Variants in DIAPH3 observed in about 807,000 individuals in gnomAD.
DIAPH3 encodes the protein protein diaphanous homolog 3.
DIAPH3 carries 117 observed loss-of-function variants against 144.3 expected under a neutral mutation model. The observed-to-expected ratio is 0.81, with a 90% CI of 0.70 to 0.95. The LOEUF (loss-of-function observed/expected upper bound fraction) is 0.95, where lower values mean the gene tolerates loss of function less well. Among genes scored for constraint, DIAPH3 ranks in the 40% least tolerant of loss-of-function variants. The pLI is 0.00. For synonymous variants in DIAPH3, 519 were observed against 488.9 expected, an observed-to-expected ratio of 1.06 and a Z score of -0.81; for missense variants, 1,421 against 1,412.7, an observed-to-expected ratio of 1.01 and a Z score of -0.09.
At chr13:59,939,205 T>G (rs1387188145) in intron 17 of DIAPH3, among the ~76,000 whole-genome samples, 2 of 152,178 alleles carry the variant, frequency 1.3e-5, no homozygotes, top group Admixed American at 6.6e-5. Flanking sequence ...TGGTCCTTAT[T>G]CACTGCACAC....
At chr13:59,931,456 C>T (rs2048012131) in intron 17 of DIAPH3, among the ~76,000 whole-genome samples, 1 of 152,166 alleles carries the variant, frequency 6.6e-6, no homozygotes, top group South Asian at 2.1e-4. Flanking sequence ...TGTTCTCTAT[C>T]ACCATTGTTC....
intron 17 of DIAPH3, among the ~76,000 whole-genome samples, chr13:59,953,633 A>G (rs1216915829): frequency 6.6e-6 from 1 of 152,220 alleles, no homozygotes; most frequent in Non-Finnish European, 1.5e-5. Flanking sequence ...AGCCAAATTT[A>G]GAGAAAAAGG....
intron 22 of DIAPH3, among the ~76,000 whole-genome samples, chr13:59,856,388 C>A (rs2043254971): frequency 6.6e-6 from 1 of 152,142 alleles, no homozygotes; most frequent in African/African-American, 2.4e-5. Flanking sequence ...GCTTAAACAA[C>A]AGAAATTCAT....
intron 25 of DIAPH3, among the ~76,000 whole-genome samples, chr13:59,809,755 G>C (rs746202599): frequency 6.6e-6 from 1 of 151,992 alleles, no homozygotes; most frequent in Non-Finnish European, 1.5e-5. Flanking sequence ...TACTCGTTTC[G>C]CTTTAGTAAG....
chr13:59,748,068 T>C (rs1433525517), intron 27 of DIAPH3, among the ~76,000 whole-genome samples: 1 of 152,208 alleles, frequency 6.6e-6, no homozygotes, highest in East Asian at 1.9e-4. Context: ...ACTGGAAGAC[T>C]ATGGAACAGA....
chr13:59,951,018 T>C lies in DIAPH3; in HGVS notation c.2074+18926A>G, dbSNP rs1051441779. 2.6e-5 allele frequency among the ~76,000 whole-genome samples: 4 copies of C among 152,282 alleles called. No homozygotes were observed. The Middle Eastern group carries it at 0.01, about 388-fold the overall frequency. ...TAATTATTCTATAATGAATAAATTATGGCAGCTTAGGTAAACAAGCTTTAT... is the reference window on the plus strand; with the variant it reads ...TAATTATTCTATAATGAATAAATTACGGCAGCTTAGGTAAACAAGCTTTAT... On this transcript the variant is annotated intron_variant, in intron 17 of 27. Transcript: ENST00000400324.
At chr13:59,899,049 A>C (rs148133926) in intron 20 of DIAPH3, among the ~76,000 whole-genome samples, 287 of 152,264 alleles carry the variant, frequency 1.9e-3, no homozygotes, top group African/African-American at 6.3e-3. Context: ...CCTGCCCTCG[A>C]ACATCAGACT....
intron 27 of DIAPH3, among the ~76,000 whole-genome samples, chr13:59,728,713 T>C (rs1000219977): frequency 2.4e-4 from 37 of 152,026 alleles, no homozygotes; most frequent in Admixed American, 8.5e-4. Context: ...TGAAGTAATA[T>C]AAAAACAGGT....
chr13:60,089,222 A>G (rs1209406511), intron 4 of DIAPH3, among the ~76,000 whole-genome samples: 1 of 152,186 alleles, frequency 6.6e-6, no homozygotes, highest in African/African-American at 2.4e-5. Context: ...GAGGAAAAAG[A>G]AAACTAAGTG....
At position 59,692,137 on chromosome 13, in the gene DIAPH3, CTTTTTT is replaced by C. The variant is rs56205887; in HGVS notation, c.3320-25297_3320-25292del. ...AGATTACTCATAGCTTTGAGAAATT[CTTTTTT>C]TTTTTTTTTTTTTTTTTTTTTAGAA... On this transcript the variant is annotated intron_variant, in intron 27 of 27. Transcript: ENST00000400324. Among the ~76,000 whole-genome samples, 172 of 58,200 alleles carry C rather than the reference CTTTTTT, an allele frequency of 3.0e-3. 1 individual carries two copies. Among genetic ancestry groups the C allele is most frequent in the African/African-American group, 8.5e-3 (138 of 16,184 alleles). 38.2% of individuals were successfully genotyped at this position (58,200 alleles called of 152,430 possible).
At chr13:59,840,339 A>G (rs1394986388) in intron 22 of DIAPH3, among the ~76,000 whole-genome samples, 2 of 152,124 alleles carry the variant, frequency 1.3e-5, no homozygotes, top group African/African-American at 4.8e-5. Context: ...TGCCATTCTT[A>G]GGATTTGAAT....
At chr13:59,967,830 T>G (rs1030885072) in intron 17 of DIAPH3, among the ~76,000 whole-genome samples, 11 of 151,736 alleles carry the variant, frequency 7.2e-5, no homozygotes, top group Admixed American at 5.2e-4. Flanking sequence ...CACTGAGAAA[T>G]GTTAGCAGGG....
chr13:59,864,679 G>A (rs1354242995), intron 21 of DIAPH3, among the ~76,000 whole-genome samples: 1 of 152,034 alleles, frequency 6.6e-6, no homozygotes, highest in East Asian at 1.9e-4. Flanking sequence ...GTAGTTTGTA[G>A]CAACTTAGTT....
intron 5 of DIAPH3, 72 bp downstream of exon 5, chr13:60,042,618 T>C (rs1327804930): frequency 1.9e-6 from 3 of 1,590,304 alleles, no homozygotes; most frequent in South Asian, 2.2e-5. Context: ...CCAGGCAAAA[T>C]GAAAAAAAGT....
chr13:59,945,766 G>A (rs1490981009), intron 17 of DIAPH3, among the ~76,000 whole-genome samples: 2 of 152,152 alleles, frequency 1.3e-5, no homozygotes, highest in South Asian at 4.1e-4. Flanking sequence ...ATATTGACAT[G>A]AGAACCAGGG....
chr13:59,956,666 T>G lies in DIAPH3; in HGVS notation c.2074+13278A>C, dbSNP rs2049426795. 3.9e-5 allele frequency among the ~76,000 whole-genome samples: 6 copies of G among 152,178 alleles called. No homozygotes were observed. The South Asian group carries it at 1.2e-3, about 32-fold the overall frequency. ...ACTAGGGCACTGCTGGGTGGAGCTG[T>G]GAGAAGGCAGCCACTGTCCTCCAGT... On this transcript the variant is annotated intron_variant, in intron 17 of 27. Transcript: ENST00000400324.
intron 15 of DIAPH3, among the ~76,000 whole-genome samples, chr13:59,972,544 AC>A (rs1173753914): frequency 1.3e-5 from 2 of 152,200 alleles, no homozygotes; most frequent in Non-Finnish European, 2.9e-5. Flanking sequence ...TGAAATCATG[AC>A]AAAGAAAACA....
At chr13:60,049,229 A>G (rs192081164) in intron 4 of DIAPH3, among the ~76,000 whole-genome samples, 1 of 152,182 alleles carries the variant, frequency 6.6e-6, no homozygotes, top group Admixed American at 6.5e-5. Context: ...TTTCTCTAGG[A>G]CCATTACAAT....
At chr13:59,822,946 T>C (rs1243662072) in intron 24 of DIAPH3, among the ~76,000 whole-genome samples, 1 of 152,148 alleles carries the variant, frequency 6.6e-6, no homozygotes, top group Non-Finnish European at 1.5e-5. Context: ...CCTTTTTAAT[T>C]ACATGAGTTA....
Sources: gnomAD v4.1 joint callset for allele counts (sites outside exome capture counted in the v4.1 genomes callset) on GRCh38, gnomAD v4.1.1 for gene constraint, MANE v1.5 for transcripts, NCBI Gene and HGNC (gene_info 2026-07-23, HGNC 2026-07-21) for gene names.